COPS8: variants seen among roughly 807,000 people sequenced by gnomAD.
COPS8 encodes COP9 signalosome subunit 8.
COPS8 carries 11 observed loss-of-function variants against 31.5 expected under a neutral mutation model. The ratio of observed to expected loss-of-function variants is 0.35; its 90% CI spans 0.22 to 0.58. The LOEUF (loss-of-function observed/expected upper bound fraction) is 0.58. COPS8 is among the 20% of genes least tolerant of loss of function. The pLI, the probability that COPS8 is intolerant of heterozygous loss-of-function variation, is 0.83. For missense variants in COPS8, 215 were observed against 255.1 expected (o/e 0.84, Z 1.07); for synonymous variants, 81 against 89.3 (o/e 0.91, Z 0.52).
intron 3 of COPS8, among the ~76,000 whole-genome samples, chr2:237,088,929 A>G (rs931959475): frequency 3.3e-5 from 5 of 152,172 alleles, no homozygotes; most frequent in Admixed American, 1.3e-4. Context: ...TAGATGAAGG[A>G]AGCTCCTGGA....
chr2:237,088,746 C>A, intron 3 of COPS8, 93 bp downstream of exon 3: 1 of 750,950 alleles, frequency 1.3e-6, no homozygotes, highest in Non-Finnish European at 2.2e-6. Flanking sequence ...TATCTGACGT[C>A]CTAGTAATAG....
Position 237,099,024 on chromosome 2 carries a change from T to G in COPS8, c.*1282T>G, listed in dbSNP as rs981540438. ...TGATCAAGAGAATGACAGTGCCAGT[T>G]TTTTTAACTTCCAGGTATTAAGTAC... On this transcript the variant is annotated 3_prime_UTR_variant, in exon 8 of 8. Transcript: ENST00000354371. 80 of 152,170 alleles carry G rather than the reference T, an allele frequency of 5.3e-4. 6 individuals carry two copies. The highest frequency in any genetic ancestry group is 4.4e-5 in the Non-Finnish European group (3 of 68,016). 9.4% of individuals were successfully genotyped at this position (152,170 alleles called of 1,614,324 possible).
At chr2:237,096,927 T>C in intron 7 of COPS8, 58 bp downstream of exon 7, 1 of 1,216,876 alleles carries the variant, frequency 8.2e-7, no homozygotes, top group Non-Finnish European at 1.2e-6. Context: ...TTCTTTTTTG[T>C]AGTATATATG....
intron 5 of COPS8, 136 bp from the exon 6 acceptor site, chr2:237,095,686 C>A (rs1574838870): frequency 1.6e-6 from 1 of 609,292 alleles, no homozygotes; most frequent in East Asian, 2.8e-5. Context: ...TGTAATATAC[C>A]TTTCTAGTAA....
Position 237,097,800 on chromosome 2 carries a change from A to AATGT in COPS8, c.*60_*63dup. Reference sequence around the variant, plus strand: ...AATCCTGTATACTGACAAACGTAGAAATGTAAAGTTTGTATTTTCAATTTA... The same window carrying AATGT: ...AATCCTGTATACTGACAAACGTAGAAATGTATGTAAAGTTTGTATTTTCAATTTA... On this transcript the variant is annotated 3_prime_UTR_variant, in exon 8 of 8. Coordinates refer to ENST00000354371, the MANE Select transcript of COPS8 (RefSeq NM_006710.5). 1.5e-6 allele frequency: 2 copies of AATGT among 1,306,560 alleles called. No individual in the cohort carries two copies. Among genetic ancestry groups the AATGT allele is most frequent in the Non-Finnish European group, 2.2e-6 (2 of 911,354 alleles). The allele number at this position is 1,306,560 out of a possible 1,614,324, so 80.9% of individuals were successfully genotyped here. A position where few individuals can be genotyped will look rare whatever the true frequency, so the allele number is the denominator to read the frequency against.
chr2:237,090,072 A>G (rs1039509288), intron 4 of COPS8, 78 bp downstream of exon 4: 1 of 1,444,936 alleles, frequency 6.9e-7, no homozygotes, highest in African/African-American at 1.4e-5. Context: ...GTAATAAATC[A>G]GTGGTGTGTG....
chr2:237,085,943 A>C lies in COPS8; in HGVS notation c.-22A>C, dbSNP rs773355178. On this transcript the variant is annotated 5_prime_UTR_variant, in exon 1 of 8. Coordinates refer to ENST00000354371, the MANE Select transcript of COPS8 (RefSeq NM_006710.5). Reference sequence around the variant, plus strand: ...TGGGGTTTGGCTGTCCGGACGGTGCAGCGGCGAGGCCGGCCGCGAAGATGC... The same window carrying C: ...TGGGGTTTGGCTGTCCGGACGGTGCCGCGGCGAGGCCGGCCGCGAAGATGC... 2.5e-6 allele frequency: 4 copies of C among 1,609,564 alleles called. No homozygotes were observed. The highest frequency in any genetic ancestry group is 3.4e-6 in the Non-Finnish European group (4 of 1,177,732).
intron 4 of COPS8, among the ~76,000 whole-genome samples, chr2:237,093,294 T>C (rs538000000): frequency 6.6e-6 from 1 of 152,346 alleles, no homozygotes; most frequent in East Asian, 1.9e-4. Context: ...TTAGGGTGTT[T>C]GTTTTACATA....
At chr2:237,090,053 A>G in intron 4 of COPS8, 59 bp downstream of exon 4, 1 of 1,531,626 alleles carries the variant, frequency 6.5e-7, no homozygotes, top group East Asian at 2.3e-5. Context: ...TAAGTGCTGC[A>G]GTGTTGAAGT....
chr2:237,091,170 C>G (rs912290423), intron 4 of COPS8, among the ~76,000 whole-genome samples: 1 of 152,046 alleles, frequency 6.6e-6, no homozygotes, highest in African/African-American at 2.4e-5. Flanking sequence ...TATTCCTTCC[C>G]GGAGCCGCCT....
chr2:237,086,642 C>T (rs1387428988), intron 1 of COPS8: 1 of 191,708 alleles, frequency 5.2e-6, no homozygotes, highest in Non-Finnish European at 9.7e-6. Flanking sequence ...CAGCAGCTCA[C>T]TAATAGATAA....
rs186690210 is a variant in COPS8, at chr2:237,097,358, T to C, written c.551-305T>C. On this transcript the variant is annotated intron_variant, in intron 7 of 7. Transcript: ENST00000354371. The stretch of plus-strand genomic sequence containing the variant: ...GTTTTCAAGAAGAGCTGTGATCTTT[T>C]AAAAGACATGTTGCATGATAAAAGT... 2.4e-4 allele frequency among the ~76,000 whole-genome samples: 37 copies of C among 152,250 alleles called. No individual in the cohort carries two copies. In the East Asian group the frequency reaches 4.0e-3, roughly 17 times the overall value.
Position 237,094,200 on chromosome 2 carries a change from A to G in COPS8, c.439+3A>G, listed in dbSNP as rs1300269542. 3 of 1,612,596 alleles carry G rather than the reference A, an allele frequency of 1.9e-6. No individual in the cohort carries two copies. Among genetic ancestry groups the G allele is most frequent in the Non-Finnish European group, 2.5e-6 (3 of 1,179,392 alleles). ...TCCTGTAGAAGAGGCTGTGAAAGGT[A>G]ATTTTGGCTTACTTTTTACTTATAA... On this transcript the variant is annotated splice_donor_region_variant and intron_variant, in intron 5 of 7. Coordinates refer to ENST00000354371, the MANE Select transcript of COPS8 (RefSeq NM_006710.5).
Position 237,095,851 on chromosome 2 carries a change from TC to T in COPS8, c.471del (p.Thr158ProfsTer40). On this transcript the variant is annotated frameshift_variant, in exon 6 of 8. Transcript: ENST00000354371. LOFTEE classifies it high-confidence loss of function. ...ATTAGAACAAGGATGGCAAGCTGAT[TC>T]CACCACAAGAATGGTTCTGCCCAGA... ...GILEQGWQAD[S>X]TTRMVLPRKP... The T allele has an allele frequency of 6.2e-7, 1 of 1,613,450 alleles. No homozygotes were observed. Among genetic ancestry groups the T allele is most frequent in the Middle Eastern group, 1.7e-4 (1 of 6,060 alleles).
At position 237,094,811 on chromosome 2, in the gene COPS8, A is replaced by C. The variant is rs142845762; in HGVS notation, c.439+614A>C. Among the ~76,000 whole-genome samples, 120 of 152,132 alleles carry C rather than the reference A, an allele frequency of 7.9e-4. 2 individuals are homozygous for C. In the East Asian group the frequency reaches 0.017, roughly 22 times the overall value. ...GAAAGCCCGTCTCTACTAAAAATAC[A>C]AAAAATTAGCCAGGTGTGGTGGCAG... On this transcript the variant is annotated intron_variant, in intron 5 of 7. Coordinates refer to ENST00000354371, the MANE Select transcript of COPS8 (RefSeq NM_006710.5).
chr2:237,090,054 G>A (rs1243741125), intron 4 of COPS8, 60 bp downstream of exon 4: 174 of 1,533,906 alleles, frequency 1.1e-4, no homozygotes, highest in Non-Finnish European at 1.4e-4. Flanking sequence ...AAGTGCTGCA[G>A]TGTTGAAGTA....
rs774842550 is a variant in COPS8, at chr2:237,094,059, ACT to A, written c.332-26_332-25del. 5.6e-6 allele frequency: 9 copies of A among 1,605,612 alleles called. No homozygotes were observed. The East Asian group carries it at 8.9e-5, about 16-fold the overall frequency. ...CTTTGAAAATGCTGCTCCCTGGTTC[ACT>A]CTCTGCCAACCCACCACTCCCACAA... On this transcript the variant is annotated intron_variant, in intron 4 of 7. Coordinates refer to ENST00000354371, the MANE Select transcript of COPS8 (RefSeq NM_006710.5).
intron 6 of COPS8, 101 bp downstream of exon 6, chr2:237,095,985 A>G (rs1574838995): frequency 1.3e-6 from 1 of 771,462 alleles, no homozygotes; most frequent in Admixed American, 2.1e-5. Flanking sequence ...AAATTCGGCT[A>G]TACTAACACA....
intron 3 of COPS8, among the ~76,000 whole-genome samples, 165 bp downstream of exon 3, chr2:237,088,818 A>G (rs1696661215): frequency 6.6e-6 from 1 of 152,160 alleles, no homozygotes; most frequent in African/African-American, 2.4e-5. Context: ...AGAAATTTGA[A>G]TTTTGCTGGG....
Sources: allele counts gnomAD v4.1 joint callset (sites outside exome capture counted in the v4.1 genomes callset), GRCh38; gene constraint gnomAD v4.1.1; transcripts MANE v1.5; gene names NCBI Gene and HGNC (gene_info 2026-07-23, HGNC 2026-07-21).